Variants in UBE2Q2 observed in about 807,000 individuals in gnomAD.
The protein encoded by UBE2Q2 is ubiquitin-conjugating enzyme E2 Q2.
UBE2Q2 carries 54 observed loss-of-function variants against 59.9 expected under a neutral mutation model. The ratio of observed to expected loss-of-function variants is 0.90; its 90% confidence interval spans 0.72 to 1.13. The LOEUF (loss-of-function observed/expected upper bound fraction) is 1.13, where lower values mean the gene tolerates loss of function less well. UBE2Q2 is among the 50% of genes most tolerant of loss of function. The pLI, the probability that UBE2Q2 is intolerant of heterozygous loss-of-function variation, is 0.00. For missense variants in UBE2Q2, 433 were observed against 441.9 expected (o/e 0.98, Z 0.18); for synonymous variants, 165 against 155.2 (o/e 1.06, Z -0.47).
At chr15:75,880,663 C>A (rs1310292764) in intron 8 of UBE2Q2, among the ~76,000 whole-genome samples, 2 of 151,782 alleles carry the variant, frequency 1.3e-5, no homozygotes, top group Non-Finnish European at 2.9e-5. Context: ...ACTATGTCCG[C>A]ATAATTTTTG....
chr15:75,866,147 G>A (rs1897466081), intron 3 of UBE2Q2, among the ~76,000 whole-genome samples: 1 of 151,478 alleles, frequency 6.6e-6, no homozygotes, highest in South Asian at 2.1e-4. Flanking sequence ...CTCTGTAACT[G>A]TAAAGTGTGG....
intron 1 of UBE2Q2, among the ~76,000 whole-genome samples, chr15:75,846,652 A>T (rs1896366812): frequency 6.6e-6 from 1 of 152,194 alleles, no homozygotes; most frequent in Non-Finnish European, 1.5e-5. Context: ...TTGATCGATG[A>T]TTTGTTATTC....
At chr15:75,887,195 G>A (rs987862155) in intron 9 of UBE2Q2, among the ~76,000 whole-genome samples, 6 of 151,962 alleles carry the variant, frequency 3.9e-5, no homozygotes, top group Admixed American at 3.9e-4. Flanking sequence ...ATATAAGAGG[G>A]GATTAAAAGT....
intron 8 of UBE2Q2, 108 bp downstream of exon 8, chr15:75,879,296 T>C: frequency 1.7e-6 from 1 of 597,962 alleles, no homozygotes; most frequent in South Asian, 2.7e-5. Context: ...TACCCTATGG[T>C]TCAGGAATCT....
At chr15:75,844,102 C>A (rs1896180007) in intron 1 of UBE2Q2, 2 of 1,415,564 alleles carry the variant, frequency 1.4e-6, no homozygotes, top group Non-Finnish European at 1.8e-6. Flanking sequence ...ATCTCGGTCC[C>A]CGTCTCCTAG....
chr15:75,883,484 T>C (rs1378603155), intron 9 of UBE2Q2, 60 bp downstream of exon 9: 3 of 1,323,568 alleles, frequency 2.3e-6, no homozygotes, highest in Non-Finnish European at 3.2e-6. Context: ...TTTTTTTTTA[T>C]AGGGACGAGA....
Position 75,854,188 on chromosome 15 carries a change from G to A in UBE2Q2, c.181-198G>A, listed in dbSNP as rs1375777075. Among the ~76,000 whole-genome samples, 3 of 152,144 alleles carry A rather than the reference G, an allele frequency of 2.0e-5. No homozygotes were observed. The East Asian group carries it at 5.8e-4, about 29-fold the overall frequency. The stretch of plus-strand genomic sequence containing the variant: ...AGAAAATCATTGACTTCTATGAGCT[G>A]TAGCAACAGACAGTGCTATGCAAGG... On this transcript the variant is annotated intron_variant, in intron 1 of 12. Coordinates refer to ENST00000267938, the MANE Select transcript of UBE2Q2 (RefSeq NM_173469.4).
At chr15:75,883,129 G>A (rs904046098) in intron 8 of UBE2Q2, among the ~76,000 whole-genome samples, 5 of 152,100 alleles carry the variant, frequency 3.3e-5, no homozygotes, top group African/African-American at 1.2e-4. Context: ...CTAGTGAAGT[G>A]GAACCCCTTC....
intron 3 of UBE2Q2, among the ~76,000 whole-genome samples, chr15:75,864,376 G>T (rs1419283957): frequency 6.6e-6 from 1 of 151,842 alleles, no homozygotes; most frequent in Admixed American, 6.6e-5. Context: ...TCATGGTAGG[G>T]GTGCTGTTGG....
At chr15:75,853,911 C>T (rs902553442) in intron 1 of UBE2Q2, among the ~76,000 whole-genome samples, 2 of 152,142 alleles carry the variant, frequency 1.3e-5, no homozygotes. Context: ...ATGTAGGTCT[C>T]TCCATAGGGC....
At chr15:75,894,566 A>G (rs1899290727) in intron 11 of UBE2Q2, among the ~76,000 whole-genome samples, 1 of 152,166 alleles carries the variant, frequency 6.6e-6, no homozygotes, top group Non-Finnish European at 1.5e-5. Context: ...TCTGAGTGAC[A>G]GAGCAAGACT....
rs1263239814 is a variant in UBE2Q2, at chr15:75,900,097, T to A, written c.*639T>A. 6.6e-6 allele frequency: 1 copy of A among 152,562 alleles called. No individual in the cohort carries two copies. Among genetic ancestry groups the A allele is most frequent in the East Asian group, 1.9e-4 (1 of 5,202 alleles). 9.5% of individuals were successfully genotyped at this position (152,562 alleles called of 1,614,324 possible). On this transcript the variant is annotated 3_prime_UTR_variant, in exon 13 of 13. Coordinates refer to ENST00000267938, the MANE Select transcript of UBE2Q2 (RefSeq NM_173469.4). Reference sequence around the variant, plus strand: ...GTGTAAAACTGTATCAATTAAGGCTTGTGAGTAGTGATTTCCACTGGGGCA... The same window carrying A: ...GTGTAAAACTGTATCAATTAAGGCTAGTGAGTAGTGATTTCCACTGGGGCA...
chr15:75,886,505 C>T (rs1421348524), intron 9 of UBE2Q2, among the ~76,000 whole-genome samples: 3 of 152,006 alleles, frequency 2.0e-5, no homozygotes, highest in Admixed American at 6.5e-5. Flanking sequence ...GAAGACAGGT[C>T]ATTTTTTGTT....
chr15:75,878,163 A>T, intron 7 of UBE2Q2, 142 bp downstream of exon 7: 1 of 644,196 alleles, frequency 1.6e-6, no homozygotes, highest in Non-Finnish European at 2.6e-6. Flanking sequence ...TAGTTCTTAG[A>T]TTGTTTAAAT....
At chr15:75,851,414 C>T (rs967580234) in intron 1 of UBE2Q2, among the ~76,000 whole-genome samples, 2 of 151,472 alleles carry the variant, frequency 1.3e-5, no homozygotes, top group East Asian at 1.9e-4. Context: ...AGTGGTTCAC[C>T]GAGATCTTCT....
rs745518803 is a variant in UBE2Q2, at chr15:75,843,682, C to G, written c.16C>G (p.Leu6Val). The change falls in exon 1 of 13, where the codon CTC becomes GTC. Residue 6 changes from leucine to valine, a missense_variant. By Grantham distance (32) the Leu-to-Val change is conservative (BLOSUM62 1). Transcript: ENST00000267938. ...TGAGGGGAAGATGTCCGTGTCAGGG[C>G]TCAAGGCCGAGCTGAAGTTCCTGGC... MSVSGLKAELKFLASI... is the reference protein window; with the variant it reads MSVSGVKAELKFLASI... 4 of 1,609,670 alleles carry G rather than the reference C, an allele frequency of 2.5e-6. No homozygotes were observed. Among genetic ancestry groups the G allele is most frequent in the Admixed American group, 3.3e-5 (2 of 59,820 alleles).
In UBE2Q2 at chr15:75,856,287, A is replaced by G. The variant is rs1448882167; in HGVS notation, c.282+1800A>G. On this transcript the variant is annotated intron_variant, in intron 2 of 12. Transcript: ENST00000267938. ...TGTGTGTGTATATATATATATATAT[A>G]TATATAATGAATTTCAGTACAAATC... Among the ~76,000 whole-genome samples, 252 of 140,998 alleles carry G rather than the reference A, an allele frequency of 1.8e-3. 1 individual carries two copies. Among genetic ancestry groups the G allele is most frequent in the African/African-American group, 6.2e-3 (217 of 34,938 alleles). 92.5% of individuals were successfully genotyped at this position (140,998 alleles called of 152,430 possible).
chr15:75,843,603 G>A lies in UBE2Q2; in HGVS notation c.-64G>A. The A allele has an allele frequency of 6.9e-7, 1 of 1,454,402 alleles. No homozygotes were observed. The highest frequency in any genetic ancestry group is 9.2e-7 in the Non-Finnish European group (1 of 1,090,190). The allele number at this position is 1,454,402 out of a possible 1,614,324, so 90.1% of individuals were successfully genotyped here. On this transcript the variant is annotated 5_prime_UTR_variant, in exon 1 of 13. Transcript: ENST00000267938. ...GGTCGCGGCCGTGACGGCGGCTCCG[G>A]GCCCGGCTCCCCTTCCGCGCCCGGC...
rs894497657 is a variant in UBE2Q2 at position 75,843,979 on chromosome 15, C to G, written c.180+133C>G. 3.4e-5 allele frequency: 48 copies of G among 1,403,116 alleles called. No homozygotes were observed. In the African/African-American group the frequency reaches 7.2e-4, roughly 21 times the overall value. 86.9% of individuals were successfully genotyped at this position (1,403,116 alleles called of 1,614,324 possible). A position where few individuals can be genotyped will look rare whatever the true frequency, so the allele number is the denominator to read the frequency against. On this transcript the variant is annotated intron_variant, in intron 1 of 12. Transcript: ENST00000267938. ...GCGGGGCAGGCCCGCCCCTTTCCCC[C>G]GCGACTTGCCCATCCCAGGCCGGGC...
Sources: gnomAD v4.1 joint callset for allele counts (sites outside exome capture counted in the v4.1 genomes callset) on GRCh38, gnomAD v4.1.1 for gene constraint, MANE v1.5 for transcripts, NCBI Gene and HGNC (gene_info 2026-07-23, HGNC 2026-07-21) for gene names.